The following IL1RAPL2 variants were observed in gnomAD, a reference collection of about 807,000 sequenced individuals.
IL1RAPL2 encodes interleukin 1 receptor accessory protein like 2, also known as X-linked interleukin-1 receptor accessory protein-like 2.
Under a neutral mutation model 44.1 loss-of-function variants are expected in IL1RAPL2, and 3 were observed. That is an observed-to-expected ratio of 0.07 (90% CI 0.03 to 0.18). The LOEUF (loss-of-function observed/expected upper bound fraction) is 0.18. Ranked by LOEUF, IL1RAPL2 falls within the 10% of genes least tolerant of loss-of-function variation. The pLI is 1.00. For synonymous variants in IL1RAPL2, 181 were observed against 178.8 expected, an observed-to-expected ratio of 1.01 and a Z score of -0.10; for missense variants, 391 against 496.4, an observed-to-expected ratio of 0.79 and a Z score of 2.02.
At chrX:104,934,923 G>A (rs1327280326) in intron 2 of IL1RAPL2, among the ~76,000 whole-genome samples, 1 of 111,984 alleles carries the variant, frequency 8.9e-6, no homozygotes, top group African/African-American at 3.2e-5. Flanking sequence ...GCGGAGTCAG[G>A]CCAGTTTTAC....
intron 1 of IL1RAPL2, among the ~76,000 whole-genome samples, chrX:104,594,995 G>A (rs1928738184): frequency 8.9e-6 from 1 of 111,975 alleles, no homozygotes; most frequent in Non-Finnish European, 1.9e-5. Flanking sequence ...GTATCCTAAT[G>A]GGAATGACAA....
intron 2 of IL1RAPL2, among the ~76,000 whole-genome samples, chrX:104,898,826 G>A (rs1923730182): frequency 1.0e-5 from 1 of 95,490 alleles, no homozygotes; most frequent in African/African-American, 3.5e-5. Flanking sequence ...ATACAGTTAA[G>A]AAAATGATAC....
intron 5 of IL1RAPL2, among the ~76,000 whole-genome samples, chrX:105,432,758 C>T (rs763111995): frequency 6.3e-5 from 7 of 111,043 alleles, no homozygotes; most frequent in Non-Finnish European, 1.3e-4. Flanking sequence ...GATACAGATA[C>T]CAATTTCAGA....
intron 2 of IL1RAPL2, among the ~76,000 whole-genome samples, chrX:104,987,174 A>C (rs1022594891): frequency 9.0e-6 from 1 of 111,578 alleles, no homozygotes; most frequent in Non-Finnish European, 1.9e-5. Context: ...AATAAGCACA[A>C]AATTGTCTCA....
At chrX:105,443,168 T>C (rs997489867) in intron 5 of IL1RAPL2, among the ~76,000 whole-genome samples, 13 of 112,184 alleles carry the variant, frequency 1.2e-4, no homozygotes, top group African/African-American at 3.2e-4. Context: ...ATTGGATTGA[T>C]AATTTAAGTT....
chrX:105,107,215 C>T (rs922496486), intron 2 of IL1RAPL2, among the ~76,000 whole-genome samples: 1 of 112,094 alleles, frequency 8.9e-6, no homozygotes, highest in Non-Finnish European at 1.9e-5. Context: ...AAAGCATTTA[C>T]GGAGTACTTA....
At chrX:105,313,660 C>T in intron 5 of IL1RAPL2, among the ~76,000 whole-genome samples, 1 of 111,925 alleles carries the variant, frequency 8.9e-6, no homozygotes, top group Middle Eastern at 4.6e-3. Context: ...GTTAACTATT[C>T]TTTACACACA....
rs778958295 is a variant in IL1RAPL2 at position 104,623,049 on chromosome X, AT to A, written c.-19-35837del. On this transcript the variant is annotated intron_variant, in intron 1 of 10. Coordinates refer to ENST00000372582, the MANE Select transcript of IL1RAPL2 (RefSeq NM_017416.2). ...ATAACCTTCTGTTTGAAACTGAAGC[AT>A]TTTTTTTTAAAAAAAGTTTTGTCTC... is the stretch of plus-strand genomic sequence containing the variant. 3.4e-3 allele frequency among the ~76,000 whole-genome samples: 376 copies of A among 109,434 alleles called. 2 individuals are homozygous for A. Among genetic ancestry groups the A allele is most frequent in the Non-Finnish European group, 5.4e-3 (285 of 52,514 alleles).
chrX:105,618,603 G>T (rs1451766197), intron 6 of IL1RAPL2, among the ~76,000 whole-genome samples: 1 of 111,291 alleles, frequency 9.0e-6, no homozygotes, highest in Non-Finnish European at 1.9e-5. Context: ...CTATATGTGT[G>T]ACCTTGAGTC....
At chrX:104,748,700 G>T (rs755105947) in intron 2 of IL1RAPL2, among the ~76,000 whole-genome samples, 1 of 111,407 alleles carries the variant, frequency 9.0e-6, no homozygotes, top group Non-Finnish European at 1.9e-5. Context: ...TATTCAATGT[G>T]AATGAACCAT....
intron 3 of IL1RAPL2, among the ~76,000 whole-genome samples, chrX:105,218,064 TAACA>T (rs2033883790): frequency 9.0e-6 from 1 of 110,936 alleles, no homozygotes; most frequent in African/African-American, 3.3e-5. Context: ...TATACCTATG[TAACA>T]AACCTACACG....
chrX:105,541,310 TG>T (rs957738386), intron 6 of IL1RAPL2, among the ~76,000 whole-genome samples: 1 of 110,856 alleles, frequency 9.0e-6, no homozygotes, highest in African/African-American at 3.3e-5. Flanking sequence ...GAACATTTGA[TG>T]GAAGAGATGG....
intron 6 of IL1RAPL2, among the ~76,000 whole-genome samples, chrX:105,586,613 A>G (rs1380352119): frequency 3.6e-5 from 4 of 112,060 alleles, no homozygotes; most frequent in Non-Finnish European, 5.6e-5. Context: ...CTGATGATAC[A>G]TAGGTGAGCA....
intron 2 of IL1RAPL2, among the ~76,000 whole-genome samples, chrX:104,671,427 T>C (rs1930600678): frequency 8.9e-6 from 1 of 111,992 alleles, no homozygotes; most frequent in Non-Finnish European, 1.9e-5. Flanking sequence ...TTGATACTAT[T>C]CATCTTTGAA....
chrX:105,256,445 C>A (rs897993046), intron 4 of IL1RAPL2, among the ~76,000 whole-genome samples: 5 of 109,205 alleles, frequency 4.6e-5, no homozygotes, highest in Non-Finnish European at 7.6e-5. Context: ...TCTCCTATCT[C>A]AGCCTCCAGG....
At chrX:105,436,147 A>C (rs1376644391) in intron 5 of IL1RAPL2, among the ~76,000 whole-genome samples, 1 of 111,502 alleles carries the variant, frequency 9.0e-6, no homozygotes, top group Non-Finnish European at 1.9e-5. Flanking sequence ...AGCCAGACCC[A>C]AAAAGTTACA....
intron 6 of IL1RAPL2, among the ~76,000 whole-genome samples, chrX:105,594,641 T>G (rs906122888): frequency 3.6e-5 from 4 of 111,946 alleles, no homozygotes; most frequent in East Asian, 5.6e-4. Flanking sequence ...AATTTATGCT[T>G]AACTATTCAT....
At chrX:105,175,207 T>C (rs1412742519) in intron 2 of IL1RAPL2, among the ~76,000 whole-genome samples, 2 of 111,352 alleles carry the variant, frequency 1.8e-5, no homozygotes, top group Non-Finnish European at 1.9e-5. Flanking sequence ...TCACTTAAAC[T>C]TGACAAAAAC....
intron 1 of IL1RAPL2, among the ~76,000 whole-genome samples, chrX:104,627,807 T>C (rs1290256733): frequency 9.0e-6 from 1 of 111,092 alleles, no homozygotes; most frequent in Admixed American, 9.7e-5. Context: ...AAAAAGACTC[T>C]GGGTTGAACG....
Sources: allele counts gnomAD v4.1 joint callset (sites outside exome capture counted in the v4.1 genomes callset), GRCh38; gene constraint gnomAD v4.1.1; transcripts MANE v1.5; gene names NCBI Gene and HGNC (gene_info 2026-07-23, HGNC 2026-07-21).